The following FCRL2 variants were observed in gnomAD, a reference collection of about 807,000 sequenced individuals.
FCRL2 encodes the protein Fc receptor like 2, also known as Fc receptor-like protein 2.
In FCRL2, 48 loss-of-function variants were observed where a neutral mutation model predicts 59.8. The observed-to-expected ratio is 0.80, with a 90% CI of 0.64 to 1.02. The LOEUF is 1.02. Ranked by LOEUF, FCRL2 falls within the 50% of genes least tolerant of loss-of-function variation. The pLI is 0.00. For synonymous variants in FCRL2, 251 were observed against 229.5 expected (o/e 1.09, Z -0.85); for missense variants, 658 against 597.3 (o/e 1.10, Z -1.06).
chr1:157,759,087 T>C (rs1392681416), intron 7 of FCRL2, among the ~76,000 whole-genome samples: 1 of 152,178 alleles, frequency 6.6e-6, no homozygotes, highest in East Asian at 1.9e-4. Context: ...ATGGGGCTGG[T>C]TACCCCCATG....
At chr1:157,761,092 T>C (rs1163527305) in intron 7 of FCRL2, among the ~76,000 whole-genome samples, 2 of 152,234 alleles carry the variant, frequency 1.3e-5, no homozygotes, top group South Asian at 2.1e-4. Context: ...AAAGCTATCA[T>C]TGAGATTCTG....
chr1:157,760,747 G>GAAAGAAAGA lies in FCRL2; in HGVS notation c.1279+6099_1279+6107dup, dbSNP rs1649017366. Among the ~76,000 whole-genome samples the GAAAGAAAGA allele has an allele frequency of 2.1e-5, 3 of 145,800 alleles. No homozygotes were observed. In the South Asian group the frequency reaches 6.5e-4, roughly 31 times the overall value. ...AGAAAGAAAGAAAGAAAGAAAGAAAGAAAGAAAGAAGAAAGAATGAAAAAA... is the reference window on the plus strand; with the variant it reads ...AGAAAGAAAGAAAGAAAGAAAGAAAGAAAGAAAGAAAAGAAAGAAGAAAGAATGAAAAAA... On this transcript the variant is annotated intron_variant, in intron 7 of 11. Transcript: ENST00000361516.
At chr1:157,759,279 C>A (rs1267713088) in intron 7 of FCRL2, among the ~76,000 whole-genome samples, 1 of 152,164 alleles carries the variant, frequency 6.6e-6, no homozygotes, top group Non-Finnish European at 1.5e-5. Flanking sequence ...AAACCTCTTT[C>A]CTTTGTAAAT....
chr1:157,756,595 C>G (rs1424090567), intron 7 of FCRL2, among the ~76,000 whole-genome samples: 1 of 151,830 alleles, frequency 6.6e-6, no homozygotes. Context: ...AAGAGGATCA[C>G]CTGAACTTGG....
At chr1:157,775,144 C>T (rs960960987) in intron 2 of FCRL2, among the ~76,000 whole-genome samples, 7 of 152,164 alleles carry the variant, frequency 4.6e-5, no homozygotes, top group African/African-American at 7.2e-5. Flanking sequence ...AGCTGGCCAA[C>T]ACTGTTTTGG....
Position 157,746,652 on chromosome 1 carries a change from T to G in FCRL2, c.*84A>C. On this transcript the variant is annotated 3_prime_UTR_variant, in exon 12 of 12. Transcript: ENST00000361516. ...TTCTGGCTGTGGCAGGTGATAAGCC[T>G]CAAGCATTTTCATAAGGTTTTATAG... 2.1e-6 allele frequency: 3 copies of G among 1,430,870 alleles called. No homozygotes were observed. Among genetic ancestry groups the G allele is most frequent in the Non-Finnish European group, 2.9e-6 (3 of 1,019,006 alleles). 88.6% of individuals were successfully genotyped at this position (1,430,870 alleles called of 1,614,324 possible).
chr1:157,769,611 T>C, intron 4 of FCRL2: 1 of 313,006 alleles, frequency 3.2e-6, no homozygotes, highest in Admixed American at 4.2e-5. Flanking sequence ...GTATTTTTAG[T>C]AGAGACGGGG....
intron 7 of FCRL2, 79 bp from the exon 8 acceptor site, chr1:157,749,756 A>G (rs1648039116): frequency 9.3e-7 from 1 of 1,071,788 alleles, no homozygotes; most frequent in South Asian, 1.4e-5. Context: ...TTAACTACGT[A>G]TAATCAGCTG....
In FCRL2 at chr1:157,760,698, G is replaced by GGAAAGAAAGAAAGAAA. The variant is rs1163684979; in HGVS notation, c.1279+6141_1279+6156dup. Among the ~76,000 whole-genome samples the GGAAAGAAAGAAAGAAA allele has an allele frequency of 3.8e-3, 365 of 97,270 alleles. 6 individuals are homozygous for GGAAAGAAAGAAAGAAA. The highest frequency in any genetic ancestry group is 8.6e-3 in the East Asian group (30 of 3,490). 63.8% of individuals were successfully genotyped at this position (97,270 alleles called of 152,430 possible). A position where few individuals can be genotyped will look rare whatever the true frequency, so the allele number is the denominator to read the frequency against. On this transcript the variant is annotated intron_variant, in intron 7 of 11. Coordinates refer to ENST00000361516, the MANE Select transcript of FCRL2 (RefSeq NM_030764.4). ...AGGAAGGAAAGAAAGAAAGAAAGAA[G>GGAAAGAAAGAAAGAAA]GAAAGAAAGAAAGAAAGAAAGAAAG...
intron 7 of FCRL2, among the ~76,000 whole-genome samples, chr1:157,761,031 A>G (rs1358721020): frequency 6.6e-6 from 1 of 152,236 alleles, no homozygotes; most frequent in African/African-American, 2.4e-5. Context: ...TCCAAAATTT[A>G]TTTCACCTGT....
At chr1:157,750,307 C>A (rs958161978) in intron 7 of FCRL2, among the ~76,000 whole-genome samples, 2 of 152,184 alleles carry the variant, frequency 1.3e-5, no homozygotes, top group African/African-American at 2.4e-5. Context: ...TCCATTAATA[C>A]CTCAGGAAAC....
chr1:157,760,127 A>C (rs2101704657), intron 7 of FCRL2, among the ~76,000 whole-genome samples: 1 of 152,328 alleles, frequency 6.6e-6, no homozygotes, highest in Middle Eastern at 3.4e-3. Flanking sequence ...AAATGAGATT[A>C]TGTTCTTTGC....
intron 7 of FCRL2, among the ~76,000 whole-genome samples, chr1:157,765,222 C>G (rs551667549): frequency 6.6e-6 from 1 of 152,114 alleles, no homozygotes; most frequent in African/African-American, 2.4e-5. Context: ...TGGAAACATA[C>G]AATTTACCAA....
At position 157,752,164 on chromosome 1, in the gene FCRL2, T is replaced by C. The variant is rs1648242179; in HGVS notation, c.1280-2487A>G. Among the ~76,000 whole-genome samples, 5 of 152,292 alleles carry C rather than the reference T, an allele frequency of 3.3e-5. No individual in the cohort carries two copies. The South Asian group carries it at 1.0e-3, about 32-fold the overall frequency. On this transcript the variant is annotated intron_variant, in intron 7 of 11. Coordinates refer to ENST00000361516, the MANE Select transcript of FCRL2 (RefSeq NM_030764.4). Reference sequence around the variant, plus strand: ...TTTGCCTAAAATTATATAGGAGTGATATGGTGTGGCTGTGTCCCCACCCAA... The same window carrying C: ...TTTGCCTAAAATTATATAGGAGTGACATGGTGTGGCTGTGTCCCCACCCAA...
At chr1:157,775,102 C>T (rs1038329936) in intron 2 of FCRL2, among the ~76,000 whole-genome samples, 1 of 152,166 alleles carries the variant, frequency 6.6e-6, no homozygotes, top group Admixed American at 6.5e-5. Flanking sequence ...AATACTAAAT[C>T]TAGAGCACGG....
At chr1:157,767,961 C>G in intron 5 of FCRL2, 1 of 269,220 alleles carries the variant, frequency 3.7e-6, no homozygotes, top group Non-Finnish European at 6.9e-6. Flanking sequence ...GGCTACTTGG[C>G]TACAACACCA....
chr1:157,753,273 T>C (rs1648333856), intron 7 of FCRL2, among the ~76,000 whole-genome samples: 1 of 152,136 alleles, frequency 6.6e-6, no homozygotes, highest in Non-Finnish European at 1.5e-5. Flanking sequence ...GGTAAAGGGG[T>C]GTGTCCCACA....
Position 157,767,369 on chromosome 1 carries a change from C to G in FCRL2, c.1024G>C (p.Gly342Arg). 1 of 1,614,198 alleles carries G rather than the reference C, an allele frequency of 6.2e-7. No individual in the cohort carries two copies. Among genetic ancestry groups the G allele is most frequent in the Non-Finnish European group, 8.5e-7 (1 of 1,180,040 alleles). Residue 342 changes from glycine (G) to arginine (R), a missense_variant, in exon 6 of 12, where the codon GGG becomes CGG. By Grantham distance (125) the Gly-to-Arg change is moderately radical (BLOSUM62 -2). Coordinates refer to ENST00000361516, the MANE Select transcript of FCRL2 (RefSeq NM_030764.4). ...YQFYHEDVTL[G>R]NSSAPSGGGA... ...CCTCCAGAGGGGGCCGAGCTGTTCCCAAGGGTGACATCCTCATGATAAAAT... is the reference window on the plus strand; with the variant it reads ...CCTCCAGAGGGGGCCGAGCTGTTCCGAAGGGTGACATCCTCATGATAAAAT...
chr1:157,763,881 TTAG>T (rs1557862657), intron 7 of FCRL2, among the ~76,000 whole-genome samples: 2 of 151,916 alleles, frequency 1.3e-5, no homozygotes, highest in East Asian at 1.9e-4. Flanking sequence ...ATACAAAAAA[TTAG>T]CCAGGCAGGG....
Sources: gnomAD v4.1 joint callset for allele counts (sites outside exome capture counted in the v4.1 genomes callset) on GRCh38, gnomAD v4.1.1 for gene constraint, MANE v1.5 for transcripts, NCBI Gene and HGNC (gene_info 2026-07-23, HGNC 2026-07-21) for gene names.